MAP3K7CL: variants seen among roughly 807,000 people sequenced by gnomAD.
MAP3K7CL encodes MAP3K7 C-terminal-like protein.
Under a neutral mutation model 18.6 loss-of-function variants are expected in MAP3K7CL, and 16 were observed. The observed-to-expected ratio is 0.86, with a 90% CI of 0.58 to 1.31. The LOEUF (loss-of-function observed/expected upper bound fraction) is 1.31, where lower values mean the gene tolerates loss of function less well. Ranked by LOEUF, MAP3K7CL falls within the 50% of genes most tolerant of loss-of-function variation. The pLI is 0.00. For missense variants in MAP3K7CL, 163 were observed against 174.4 expected, an observed-to-expected ratio of 0.93 and a Z score of 0.37; for synonymous variants, 65 against 66.8, an observed-to-expected ratio of 0.97 and a Z score of 0.13.
At chr21:29,128,176 A>G (rs1368982456), upstream of MAP3K7CL, 1 of 152,218 alleles carries the variant, frequency 6.6e-6, no homozygotes, top group Non-Finnish European at 1.5e-5. Flanking sequence ...TTGGGGTGGA[A>G]CTTGGGTGTC....
At chr21:29,082,002 A>G (rs569125099), upstream of MAP3K7CL, among the ~76,000 whole-genome samples, 1 of 152,368 alleles carries the variant, frequency 6.6e-6, no homozygotes, top group South Asian at 2.1e-4. Context: ...ACACCAGTGC[A>G]AAGACCTGGG....
chr21:29,085,669 A>C (rs2085912863), upstream of MAP3K7CL: 2 of 459,174 alleles, frequency 4.4e-6, no homozygotes, highest in Non-Finnish European at 7.7e-6. Flanking sequence ...TTTATGTAGA[A>C]AACCTCGTTC....
chr21:29,111,149 G>A (rs751607856), intron 4 of MAP3K7CL, among the ~76,000 whole-genome samples: 6 of 151,994 alleles, frequency 3.9e-5, no homozygotes, highest in Non-Finnish European at 8.8e-5. Flanking sequence ...CCAGCTACTC[G>A]GGAGGCTGAG....
intron 2 of MAP3K7CL, among the ~76,000 whole-genome samples, chr21:29,140,130 G>A (rs1003682641): frequency 1.3e-5 from 2 of 152,268 alleles, no homozygotes; most frequent in East Asian, 3.9e-4. Context: ...TAAGGGCATG[G>A]TGGAAGGTGG....
intron 4 of MAP3K7CL, among the ~76,000 whole-genome samples, chr21:29,168,935 C>T (rs2087756592): frequency 6.6e-6 from 1 of 152,228 alleles, no homozygotes; most frequent in South Asian, 2.1e-4. Flanking sequence ...TCACTTTCTT[C>T]CTGTCCCAGG....
chr21:29,088,505 GTTTAA>G (rs2085965067), intron 1 of MAP3K7CL, among the ~76,000 whole-genome samples: 1 of 152,156 alleles, frequency 6.6e-6, no homozygotes, highest in African/African-American at 2.4e-5. Context: ...ACACTGCAAA[GTTTAA>G]TTTAACCACG....
Position 29,132,944 on chromosome 21 carries a change from A to G in MAP3K7CL, c.-39-362A>G, listed in dbSNP as rs563338123. Among the ~76,000 whole-genome samples, 48 of 152,326 alleles carry G rather than the reference A, an allele frequency of 3.2e-4. No homozygotes were observed. The South Asian group carries it at 4.1e-3, about 13-fold the overall frequency. ...AGCCATCTGATACCTTATTAAGACT[A>G]TATCTCTTTTTATCCTCCTCAGTTG... On this transcript the variant is annotated intron_variant, in intron 1 of 4. Coordinates refer to ENST00000399928, the MANE Select transcript of MAP3K7CL (RefSeq NM_001286620.2).
At chr21:29,114,363 C>G (rs2146569311) in intron 4 of MAP3K7CL, among the ~76,000 whole-genome samples, 1 of 151,148 alleles carries the variant, frequency 6.6e-6, no homozygotes, top group Admixed American at 6.6e-5. Flanking sequence ...GCCACCATGC[C>G]AGGCCTTATT....
chr21:29,167,096 T>A (rs2087707332), intron 4 of MAP3K7CL, among the ~76,000 whole-genome samples: 1 of 152,204 alleles, frequency 6.6e-6, no homozygotes, highest in Admixed American at 6.5e-5. Flanking sequence ...CCATCTGTAG[T>A]GGGTGTGAAA....
upstream of MAP3K7CL, among the ~76,000 whole-genome samples, chr21:29,126,964 C>T (rs1053974686): frequency 3.3e-5 from 5 of 152,126 alleles, no homozygotes; most frequent in African/African-American, 1.2e-4. Flanking sequence ...TATGAATAGC[C>T]ATTAAAATTT....
intron 4 of MAP3K7CL, among the ~76,000 whole-genome samples, chr21:29,097,962 A>C (rs2086152216): frequency 6.6e-6 from 1 of 152,140 alleles, no homozygotes. Context: ...ATAGGGAAAA[A>C]ATCTAGGTTG....
At chr21:29,115,692 A>T (rs972803406) in intron 4 of MAP3K7CL, among the ~76,000 whole-genome samples, 1 of 152,138 alleles carries the variant, frequency 6.6e-6, no homozygotes, top group Non-Finnish European at 1.5e-5. Flanking sequence ...TCAAATCTCA[A>T]TGAAATGAAA....
chr21:29,159,505 T>A (rs2146721939), intron 3 of MAP3K7CL, among the ~76,000 whole-genome samples: 1 of 152,302 alleles, frequency 6.6e-6, no homozygotes, highest in East Asian at 1.9e-4. Flanking sequence ...CAAGATGAGA[T>A]TATACCTCCT....
intron 3 of MAP3K7CL, among the ~76,000 whole-genome samples, chr21:29,156,115 T>C (rs1391589186): frequency 6.6e-6 from 1 of 152,240 alleles, no homozygotes; most frequent in Non-Finnish European, 1.5e-5. Flanking sequence ...AATTGGAGGA[T>C]GTAGCATCAT....
At chr21:29,119,923 C>G (rs896584519) in intron 4 of MAP3K7CL, among the ~76,000 whole-genome samples, 2 of 152,122 alleles carry the variant, frequency 1.3e-5, no homozygotes, top group African/African-American at 4.8e-5. Flanking sequence ...CCTCGGCCTC[C>G]CAGAGTGCTG....
At chr21:29,125,901 A>G (rs75047166), upstream of MAP3K7CL, among the ~76,000 whole-genome samples, 2,992 of 152,308 alleles carry the variant, frequency 0.02, 96 homozygotes, top group African/African-American at 0.067. Flanking sequence ...TGGCCTGCAC[A>G]TGCAGTCTCA....
intron 1 of MAP3K7CL, among the ~76,000 whole-genome samples, chr21:29,077,925 G>A (rs2085775927): frequency 2.0e-5 from 3 of 152,218 alleles, no homozygotes; most frequent in Admixed American, 2.0e-4. Context: ...CGTGAGGATT[G>A]GGGGTTGGGG....
intron 3 of MAP3K7CL, among the ~76,000 whole-genome samples, chr21:29,154,118 A>G (rs2087343070): frequency 6.6e-6 from 1 of 152,210 alleles, no homozygotes; most frequent in Non-Finnish European, 1.5e-5. Flanking sequence ...CTCAACTGCA[A>G]AGTGGAGATA....
intron 3 of MAP3K7CL, among the ~76,000 whole-genome samples, chr21:29,151,363 A>G (rs1273578112): frequency 2.0e-5 from 3 of 152,010 alleles, no homozygotes; most frequent in African/African-American, 7.2e-5. Flanking sequence ...AGGCTGAGGC[A>G]GGAGAATCGC....
Sources: allele counts gnomAD v4.1 joint callset (sites outside exome capture counted in the v4.1 genomes callset), GRCh38; gene constraint gnomAD v4.1.1; transcripts MANE v1.5; gene names NCBI Gene and HGNC (gene_info 2026-07-23, HGNC 2026-07-21).